The following THSD7B variants were observed in gnomAD, a reference collection of about 807,000 sequenced individuals.
THSD7B encodes thrombospondin type-1 domain-containing protein 7B.
In THSD7B, 138 loss-of-function variants were observed where a neutral mutation model predicts 213.6. The ratio of observed to expected loss-of-function variants is 0.65; its 90% confidence interval spans 0.56 to 0.74. The LOEUF (loss-of-function observed/expected upper bound fraction) is 0.74, where lower values mean the gene tolerates loss of function less well. Ranked by LOEUF, THSD7B falls within the 30% of genes least tolerant of loss-of-function variation. The pLI is 0.00. For missense variants in THSD7B, 1,931 were observed against 1,991.5 expected, an observed-to-expected ratio of 0.97 and a Z score of 0.58; for synonymous variants, 742 against 687.0, an observed-to-expected ratio of 1.08 and a Z score of -1.25.
chr2:136,985,605 C>T (rs1685657584), intron 2 of THSD7B, among the ~76,000 whole-genome samples: 1 of 152,218 alleles, frequency 6.6e-6, no homozygotes, highest in Non-Finnish European at 1.5e-5. Flanking sequence ...AAACCTGCCA[C>T]AGTGGTGGAA....
chr2:136,916,584 C>T (rs1684351848), intron 2 of THSD7B, among the ~76,000 whole-genome samples: 1 of 152,202 alleles, frequency 6.6e-6, no homozygotes. Flanking sequence ...GATTTGTACC[C>T]ATTCCACGGA....
intron 12 of THSD7B, among the ~76,000 whole-genome samples, chr2:137,350,304 G>T (rs1245020245): frequency 6.6e-6 from 1 of 151,878 alleles, no homozygotes; most frequent in Non-Finnish European, 1.5e-5. Flanking sequence ...ATTGAGCCAA[G>T]ACTGGATGAA....
chr2:137,112,653 T>C (rs1031045273), intron 4 of THSD7B, among the ~76,000 whole-genome samples: 4 of 152,206 alleles, frequency 2.6e-5, no homozygotes, highest in Non-Finnish European at 5.9e-5. Flanking sequence ...ACTTTATGTT[T>C]CTTTTTTGCT....
chr2:136,845,086 C>T (rs1257131484), intron 1 of THSD7B, among the ~76,000 whole-genome samples: 1 of 152,144 alleles, frequency 6.6e-6, no homozygotes, highest in African/African-American at 2.4e-5. Flanking sequence ...TGATCCAGGG[C>T]AGAGGGAGAA....
chr2:137,271,559 A>G (rs1682740631), intron 10 of THSD7B, among the ~76,000 whole-genome samples: 1 of 150,048 alleles, frequency 6.7e-6, no homozygotes, highest in Non-Finnish European at 1.5e-5. Flanking sequence ...GCAGACAAAA[A>G]TCTGTCTCCT....
chr2:137,146,917 C>T (rs2104970371), intron 5 of THSD7B, among the ~76,000 whole-genome samples: 1 of 152,228 alleles, frequency 6.6e-6, no homozygotes, highest in African/African-American at 2.4e-5. Context: ...GGAGTAGTAG[C>T]AGACTCTTAG....
In THSD7B at chr2:136,858,167, G is replaced by T. The variant is rs116815720; in HGVS notation, c.-35-23977G>T. ...CAAGTGAACAGAGATTAGTTATTTA[G>T]ATATGTTAATTAAAAATACATTTAA... On this transcript the variant is annotated intron_variant, in intron 1 of 27. Transcript: ENST00000409968. Among the ~76,000 whole-genome samples the T allele has an allele frequency of 3.7e-3, 566 of 152,228 alleles. 3 individuals are homozygous for T. The highest frequency in any genetic ancestry group is 0.013 in the African/African-American group (542 of 41,530).
At chr2:137,668,453 A>G (rs1683492751) in intron 27 of THSD7B, among the ~76,000 whole-genome samples, 2 of 152,032 alleles carry the variant, frequency 1.3e-5, no homozygotes, top group African/African-American at 2.4e-5. Context: ...TTGCAAAAAA[A>G]AAAAACCATT....
At chr2:136,925,934 T>C (rs563941223) in intron 2 of THSD7B, among the ~76,000 whole-genome samples, 5 of 152,324 alleles carry the variant, frequency 3.3e-5, no homozygotes, top group Admixed American at 6.5e-5. Flanking sequence ...ATATTGTTAG[T>C]AAAGGAAATT....
intron 15 of THSD7B, among the ~76,000 whole-genome samples, chr2:137,555,714 A>G (rs1222020711): frequency 6.6e-6 from 1 of 152,222 alleles, no homozygotes; most frequent in Non-Finnish European, 1.5e-5. Context: ...ATGAGTTGAG[A>G]GAAGAAGGCT....
intron 14 of THSD7B, among the ~76,000 whole-genome samples, chr2:137,432,349 C>G (rs576564070): frequency 2.8e-3 from 421 of 152,346 alleles, no homozygotes; most frequent in Non-Finnish European, 4.5e-3. Flanking sequence ...CGAGATCGCG[C>G]CACTGCGCTC....
chr2:136,807,197 G>C (rs899794112), intron 1 of THSD7B, among the ~76,000 whole-genome samples: 4 of 152,138 alleles, frequency 2.6e-5, no homozygotes, highest in African/African-American at 7.2e-5. Context: ...CCAAACTTAA[G>C]AGGTGAAAAA....
In THSD7B at chr2:137,457,405, G is replaced by T. The variant is rs569888713; in HGVS notation, c.3138+6382G>T. Among the ~76,000 whole-genome samples the T allele has an allele frequency of 5.9e-5, 9 of 152,274 alleles. 1 individual carries two copies. The South Asian group carries it at 1.9e-3, about 32-fold the overall frequency. On this transcript the variant is annotated intron_variant, in intron 15 of 27. Transcript: ENST00000409968. ...GTCAAATGTCCCTAAGGCTGCCCTT[G>T]GGCAGGGTTGTCAGGATTGGCTGGA...
intron 11 of THSD7B, among the ~76,000 whole-genome samples, chr2:137,273,939 G>T (rs1320785768): frequency 6.6e-6 from 1 of 151,968 alleles, no homozygotes; most frequent in Non-Finnish European, 1.5e-5. Flanking sequence ...ATGAACCCAG[G>T]GTTGTTATAA....
chr2:137,163,566 A>C (rs1680060609), intron 6 of THSD7B, among the ~76,000 whole-genome samples: 2 of 152,142 alleles, frequency 1.3e-5, no homozygotes, highest in South Asian at 4.1e-4. Flanking sequence ...AACCACCAGA[A>C]GCTAGGAGAG....
intron 2 of THSD7B, among the ~76,000 whole-genome samples, chr2:136,998,953 CACACA>C (rs1558882043): frequency 7.3e-5 from 11 of 150,186 alleles, no homozygotes; most frequent in South Asian, 2.1e-4. Flanking sequence ...CACACACACA[CACACA>C]CCCCTGCTTT....
At chr2:137,449,750 A>G (rs1020149934) in intron 14 of THSD7B, among the ~76,000 whole-genome samples, 6 of 152,138 alleles carry the variant, frequency 3.9e-5, no homozygotes, top group Admixed American at 3.9e-4. Flanking sequence ...CTCTCTCTCT[A>G]CACAAAAGGA....
At chr2:137,478,425 T>C (rs960709672) in intron 15 of THSD7B, among the ~76,000 whole-genome samples, 2 of 152,178 alleles carry the variant, frequency 1.3e-5, no homozygotes, top group African/African-American at 4.8e-5. Context: ...TGTGTGTTTT[T>C]TTGTTGTTGT....
chr2:136,889,540 G>C (rs1385258029), intron 2 of THSD7B, among the ~76,000 whole-genome samples: 3 of 152,218 alleles, frequency 2.0e-5, no homozygotes, highest in Non-Finnish European at 2.9e-5. Context: ...CCGCTGCTGA[G>C]CCAAGCAGTG....
Sources: gnomAD v4.1 joint callset for allele counts (sites outside exome capture counted in the v4.1 genomes callset) on GRCh38, gnomAD v4.1.1 for gene constraint, MANE v1.5 for transcripts, NCBI Gene and HGNC (gene_info 2026-07-23, HGNC 2026-07-21) for gene names.